ZNF608: variants seen among roughly 807,000 people sequenced by gnomAD.
ZNF608 encodes the protein zinc finger protein 608.
Under a neutral mutation model 109.0 loss-of-function variants are expected in ZNF608, and 12 were observed. The observed-to-expected ratio is 0.11, with a 90% CI of 0.07 to 0.18. The LOEUF is 0.18. ZNF608 is among the 10% of genes least tolerant of loss of function. The pLI, the probability that ZNF608 is intolerant of heterozygous loss-of-function variation, is 1.00. For synonymous variants in ZNF608, 732 were observed against 717.4 expected, an observed-to-expected ratio of 1.02 and a Z score of -0.33; for missense variants, 1,707 against 1,879.3, an observed-to-expected ratio of 0.91 and a Z score of 1.70.
At chr5:124,708,653 C>G in intron 2 of ZNF608, 1 of 450,336 alleles carries the variant, frequency 2.2e-6, no homozygotes, top group Non-Finnish European at 4.5e-6. Flanking sequence ...TCATCCAATT[C>G]TAAAACTACC....
rs147220763 is a variant in ZNF608 at position 124,661,145 on chromosome 5, T to C, written c.1163-11448A>G. ...GCAAACATTTCCTCTGACTACTCAA[T>C]AGTAAAGGCAACTGAGAAATGCAGT... On this transcript the variant is annotated intron_variant, in intron 3 of 9. Coordinates refer to ENST00000513986, the MANE Select transcript of ZNF608 (RefSeq NM_020747.3). Among the ~76,000 whole-genome samples the C allele has an allele frequency of 2.4e-4, 36 of 152,312 alleles. No individual in the cohort carries two copies. The East Asian group carries it at 4.6e-3, about 20-fold the overall frequency.
chr5:124,649,100 C>T lies in ZNF608; in HGVS notation c.1284G>A (p.Met428Ile), dbSNP rs745405657. The T allele has an allele frequency of 1.3e-6, 2 of 1,581,730 alleles. No homozygotes were observed. Among genetic ancestry groups the T allele is most frequent in the Non-Finnish European group, 1.7e-6 (2 of 1,168,728 alleles). ...FCESPTSDLE[M>I]RGGRGRGKRA... is the part of the protein sequence containing the mutation. ...TCTTCCCTCTGCCCCGGCCCCCTCT[C>T]ATCTCCAGGTCACTTGTCGGTGACT... Residue 428 changes from methionine (M) to isoleucine (I), a missense_variant, in exon 5 of 10, where the codon ATG becomes ATA. Transcript: ENST00000513986.
intron 3 of ZNF608, among the ~76,000 whole-genome samples, chr5:124,685,501 G>A (rs1752370601): frequency 6.6e-6 from 1 of 152,086 alleles, no homozygotes; most frequent in African/African-American, 2.4e-5. Context: ...CCCAAGGAAT[G>A]CATGAAGTGA....
In ZNF608 at chr5:124,641,357, T is replaced by G. The variant is rs544858970; in HGVS notation, c.4345A>C (p.Arg1449=). 6.2e-7 allele frequency: 1 copy of G among 1,614,098 alleles called. No homozygotes were observed. Among genetic ancestry groups the G allele is most frequent in the South Asian group, 1.1e-5 (1 of 91,072 alleles). The change falls in exon 8 of 10, where the codon AGG becomes CGG. Residue 1449 remains arginine (R), a synonymous_variant. Coordinates refer to ENST00000513986, the MANE Select transcript of ZNF608 (RefSeq NM_020747.3). ...TGGCCGAAGGGGGAGTGGCGATCCC[T>G]TTCCCTTTCTGCCTCCCGTTCCCGC... ...AEREREAERE[R]DRHSPFGQRH...
At chr5:124,735,356 G>A (rs1035645180) in intron 2 of ZNF608, among the ~76,000 whole-genome samples, 3 of 108,486 alleles carry the variant, frequency 2.8e-5, no homozygotes, top group African/African-American at 6.5e-5. Flanking sequence ...GCGGGAAGAA[G>A]GGCGCGTTCC....
At position 124,715,000 on chromosome 5, in the gene ZNF608, T is replaced by C. The variant is rs148139000; in HGVS notation, c.907-13731A>G. 1.7e-4 allele frequency among the ~76,000 whole-genome samples: 26 copies of C among 152,322 alleles called. No individual in the cohort carries two copies. The East Asian group carries it at 4.6e-3, about 27-fold the overall frequency. On this transcript the variant is annotated intron_variant, in intron 2 of 9. Transcript: ENST00000513986. ...CCTAGGAGAAATCCCAGCCTAAGAA[T>C]GAGATCAGGATCTTCTGCTTCTAGT...
At chr5:124,717,425 T>C (rs1222772077) in intron 2 of ZNF608, among the ~76,000 whole-genome samples, 1 of 151,870 alleles carries the variant, frequency 6.6e-6, no homozygotes, top group Non-Finnish European at 1.5e-5. Context: ...GAGCCAAGAT[T>C]GCGCCACTGC....
rs914119527 is a variant in ZNF608, at chr5:124,671,598, T to C, written c.1163-21901A>G. Among the ~76,000 whole-genome samples the C allele has an allele frequency of 5.3e-5, 8 of 152,082 alleles. No homozygotes were observed. The South Asian group carries it at 1.7e-3, about 32-fold the overall frequency. ...ATGGAGAAAGAAACTAGGCTCATCTTTGGGGCTAAGAAACAGGCACATCAT... is the reference window on the plus strand; with the variant it reads ...ATGGAGAAAGAAACTAGGCTCATCTCTGGGGCTAAGAAACAGGCACATCAT... On this transcript the variant is annotated intron_variant, in intron 3 of 9. Transcript: ENST00000513986.
chr5:124,655,831 G>A (rs1347700828), intron 3 of ZNF608, among the ~76,000 whole-genome samples: 1 of 152,350 alleles, frequency 6.6e-6, no homozygotes, highest in East Asian at 1.9e-4. Context: ...AAGCTTCGCT[G>A]TTCCAGCCTC....
At chr5:124,652,250 C>T (rs2149794185) in intron 3 of ZNF608, among the ~76,000 whole-genome samples, 1 of 152,310 alleles carries the variant, frequency 6.6e-6, no homozygotes, top group Non-Finnish European at 1.5e-5. Flanking sequence ...GACCTCTTAT[C>T]GAAGTACAAG....
chr5:124,646,476 C>T (rs965394567), intron 5 of ZNF608, among the ~76,000 whole-genome samples: 2 of 152,194 alleles, frequency 1.3e-5, no homozygotes, highest in African/African-American at 2.4e-5. Flanking sequence ...TTACTATACA[C>T]CATGACAAGA....
At chr5:124,644,705 T>C in intron 5 of ZNF608, 44 bp from the exon 6 acceptor site, 1 of 1,497,292 alleles carries the variant, frequency 6.7e-7, no homozygotes. Context: ...CAGATTTGTT[T>C]TAAAATTTCA....
intron 3 of ZNF608, among the ~76,000 whole-genome samples, chr5:124,692,612 TG>T (rs1752668847): frequency 6.6e-6 from 1 of 152,210 alleles, no homozygotes; most frequent in Non-Finnish European, 1.5e-5. Flanking sequence ...AAGAGCACTT[TG>T]TAAAATAGAC....
chr5:124,639,384 C>T (rs1339859849), intron 8 of ZNF608, among the ~76,000 whole-genome samples, 170 bp from the exon 9 acceptor site: 1 of 152,212 alleles, frequency 6.6e-6, no homozygotes, highest in Non-Finnish European at 1.5e-5. Flanking sequence ...GGTCTATCTG[C>T]TATCTATCCT....
chr5:124,713,265 T>C (rs185140223), intron 2 of ZNF608, among the ~76,000 whole-genome samples: 2 of 152,338 alleles, frequency 1.3e-5, no homozygotes, highest in African/African-American at 4.8e-5. Flanking sequence ...AATGAGCCTT[T>C]ATGAGAAGGA....
intron 3 of ZNF608, among the ~76,000 whole-genome samples, chr5:124,672,276 A>G (rs1751761246): frequency 6.6e-6 from 1 of 152,120 alleles, no homozygotes; most frequent in Admixed American, 6.6e-5. Context: ...TGACTCCTAA[A>G]TATTGTGATT....
At position 124,656,799 on chromosome 5, in the gene ZNF608, A is replaced by AACACACACAC. The variant is rs35634231; in HGVS notation, c.1163-7112_1163-7103dup. Among the ~76,000 whole-genome samples, 256 of 123,974 alleles carry AACACACACAC rather than the reference A, an allele frequency of 2.1e-3. 4 individuals are homozygous for AACACACACAC. Among genetic ancestry groups the AACACACACAC allele is most frequent in the Middle Eastern group, 4.3e-3 (1 of 232 alleles). The allele number at this position is 123,974 out of a possible 152,430, so 81.3% of individuals were successfully genotyped here. A position where few individuals can be genotyped will look rare whatever the true frequency, so the allele number is the denominator to read the frequency against. The stretch of plus-strand genomic sequence containing the variant: ...CCCTAAATACACAGAATAAGCCCTA[A>AACACACACAC]ACACACACACACACACACACACACA... On this transcript the variant is annotated intron_variant, in intron 3 of 9. Transcript: ENST00000513986.
intron 2 of ZNF608, among the ~76,000 whole-genome samples, chr5:124,706,323 G>T (rs922837435): frequency 1.1e-4 from 17 of 152,156 alleles, no homozygotes; most frequent in African/African-American, 4.1e-4. Flanking sequence ...CTTTAGCTCA[G>T]GGCCTGGTAG....
intron 6 of ZNF608, 107 bp downstream of exon 6, chr5:124,644,137 G>A: frequency 9.5e-7 from 1 of 1,055,628 alleles, no homozygotes; most frequent in South Asian, 2.0e-5. Flanking sequence ...TAAAAACAAG[G>A]AAAACAAATG....
Sources: allele counts gnomAD v4.1 joint callset (sites outside exome capture counted in the v4.1 genomes callset), GRCh38; gene constraint gnomAD v4.1.1; transcripts MANE v1.5; gene names NCBI Gene and HGNC (gene_info 2026-07-23, HGNC 2026-07-21).